PDE1C: variants seen among roughly 807,000 people sequenced by gnomAD.
PDE1C encodes the protein dual specificity calcium/calmodulin-dependent 3',5'-cyclic nucleotide phosphodiesterase 1C.
PDE1C carries 62 observed loss-of-function variants against 93.1 expected under a neutral mutation model. That is an observed-to-expected ratio of 0.67 (90% CI 0.54 to 0.82). The LOEUF (loss-of-function observed/expected upper bound fraction) is 0.82, where lower values mean the gene tolerates loss of function less well. Among genes scored for constraint, PDE1C ranks in the 40% least tolerant of loss-of-function variants. The pLI, the probability that PDE1C is intolerant of heterozygous loss-of-function variation, is 0.00. For missense variants in PDE1C, 742 were observed against 884.6 expected, an observed-to-expected ratio of 0.84 and a Z score of 2.04; for synonymous variants, 325 against 310.1, an observed-to-expected ratio of 1.05 and a Z score of -0.50.
intron 2 of PDE1C, among the ~76,000 whole-genome samples, chr7:31,952,826 A>G (rs879850766): frequency 2.6e-5 from 4 of 152,210 alleles, no homozygotes; most frequent in Non-Finnish European, 5.9e-5. Context: ...ACTTCAAAAA[A>G]GAATACCATC....
chr7:31,877,937 A>T (rs1223036875), intron 5 of PDE1C, 33 bp downstream of exon 5: 1 of 1,430,654 alleles, frequency 7.0e-7, no homozygotes, highest in Non-Finnish European at 9.8e-7. Context: ...ATTAGGTACC[A>T]TGTACATTGT....
intron 9 of PDE1C, among the ~76,000 whole-genome samples, chr7:31,846,518 TA>T (rs1792625837): frequency 6.6e-6 from 1 of 152,016 alleles, no homozygotes; most frequent in Non-Finnish European, 1.5e-5. Flanking sequence ...CCTAAAACCA[TA>T]AAAACCCTAG....
chr7:32,006,735 A>C (rs945805021), intron 2 of PDE1C, among the ~76,000 whole-genome samples: 48 of 152,246 alleles, frequency 3.2e-4, no homozygotes, highest in African/African-American at 1.1e-3. Flanking sequence ...TGATGCTGGC[A>C]AAGAGCTGCA....
intron 16 of PDE1C, among the ~76,000 whole-genome samples, chr7:31,776,850 T>C (rs1223190100): frequency 6.6e-6 from 1 of 151,634 alleles, no homozygotes; most frequent in Non-Finnish European, 1.5e-5. Flanking sequence ...TTACTTCCGT[T>C]AGGAGTCCCC....
Position 32,357,469 on chromosome 7 carries a change from T to C in PDE1C, c.310+70353A>G, listed in dbSNP as rs1464233603. Among the ~76,000 whole-genome samples, 49 of 152,262 alleles carry C rather than the reference T, an allele frequency of 3.2e-4. 1 individual carries two copies. ...TAAGTTCTGTCTTCTTTCTGTTCTTTGCTCTGAGCACTAGTTTCAGAATGG... is the reference window on the plus strand; with the variant it reads ...TAAGTTCTGTCTTCTTTCTGTTCTTCGCTCTGAGCACTAGTTTCAGAATGG... On this transcript the variant is annotated intron_variant, in intron 1 of 1. Transcript: ENST00000672256.
rs1175845297 is a variant in PDE1C, at chr7:31,775,747, AAG to A, written c.1892-17_1892-16del. The stretch of plus-strand genomic sequence containing the variant: ...CTGTTTTGTGCCTGTGAAGAGGAAA[AAG>A]AGGATAAGGAAAAGTAGGATTGTGG... On this transcript the variant is annotated splice_polypyrimidine_tract_variant and intron_variant, in intron 16 of 17. Coordinates refer to ENST00000396191, the MANE Select transcript of PDE1C (RefSeq NM_001191057.4). 2.5e-6 allele frequency: 4 copies of A among 1,609,558 alleles called. No individual in the cohort carries two copies. In the African/African-American group the frequency reaches 5.3e-5, roughly 22 times the overall value.
chr7:31,680,797 A>G, the PDE1C span, among the ~76,000 whole-genome samples: 2 of 152,294 alleles, frequency 1.3e-5, no homozygotes, highest in East Asian at 3.9e-4. Flanking sequence ...ACACCTGGAT[A>G]GGGCAAACCC....
At chr7:32,292,824 C>T (rs1428924816) in intron 1 of PDE1C, among the ~76,000 whole-genome samples, 1 of 152,230 alleles carries the variant, frequency 6.6e-6, no homozygotes, top group East Asian at 1.9e-4. Flanking sequence ...TCCCAACTTC[C>T]CCATGGCCCC....
At chr7:31,886,081 T>C (rs1307179447) in intron 2 of PDE1C, among the ~76,000 whole-genome samples, 2 of 152,246 alleles carry the variant, frequency 1.3e-5, no homozygotes, top group African/African-American at 4.8e-5. Flanking sequence ...TTTGAAAGGA[T>C]ATGAGAGAGA....
intron 1 of PDE1C, among the ~76,000 whole-genome samples, chr7:32,313,804 A>T (rs1329651715): frequency 1.3e-5 from 2 of 151,698 alleles, no homozygotes; most frequent in Non-Finnish European, 2.9e-5. Context: ...ACCTAATGCT[A>T]AATGATGAGT....
chr7:32,011,385 G>C (rs1316234344), intron 2 of PDE1C, among the ~76,000 whole-genome samples: 1 of 151,946 alleles, frequency 6.6e-6, no homozygotes. Context: ...GTAGAGACAG[G>C]GTTTTGCCGT....
chr7:32,120,358 C>A (rs1267764453), intron 3 of PDE1C, among the ~76,000 whole-genome samples: 1 of 152,224 alleles, frequency 6.6e-6, no homozygotes, highest in Non-Finnish European at 1.5e-5. Flanking sequence ...GGTTTCCCCC[C>A]AGGCAAAGCA....
intron 2 of PDE1C, among the ~76,000 whole-genome samples, chr7:32,179,270 T>TC (rs896377462): frequency 4.0e-5 from 6 of 150,262 alleles, no homozygotes; most frequent in Non-Finnish European, 5.9e-5. Flanking sequence ...TTAGTCTTTT[T>TC]TTTTTTTTTT....
At chr7:32,097,125 T>G (rs911022259) in intron 3 of PDE1C, among the ~76,000 whole-genome samples, 1 of 152,174 alleles carries the variant, frequency 6.6e-6, no homozygotes, top group African/African-American at 2.4e-5. Flanking sequence ...TTTTGTTCTA[T>G]TTAGATCTTC....
At chr7:32,399,471 C>T (rs151153684) in intron 1 of PDE1C, among the ~76,000 whole-genome samples, 6 of 151,772 alleles carry the variant, frequency 4.0e-5, no homozygotes, top group Non-Finnish European at 8.8e-5. Context: ...AGCTGGCTTG[C>T]GGGCGGTGCC....
intron 1 of PDE1C, among the ~76,000 whole-genome samples, chr7:32,210,545 C>G (rs1387989273): frequency 1.3e-5 from 2 of 152,106 alleles, no homozygotes; most frequent in East Asian, 3.9e-4. Context: ...TGAAAGAAGT[C>G]GAAAAATTTA....
At chr7:32,067,588 G>A (rs1795553618) in intron 1 of PDE1C, among the ~76,000 whole-genome samples, 1 of 152,068 alleles carries the variant, frequency 6.6e-6, no homozygotes, top group African/African-American at 2.4e-5. Flanking sequence ...TGTGAAAGAG[G>A]GGCTATAAAG....
Position 32,134,770 on chromosome 7 carries a change from C to A in PDE1C, c.308+35015G>T, listed in dbSNP as rs1051309473. 5.3e-5 allele frequency among the ~76,000 whole-genome samples: 8 copies of A among 151,906 alleles called. No individual in the cohort carries two copies. In the East Asian group the frequency reaches 1.6e-3, roughly 29 times the overall value. On this transcript the variant is annotated intron_variant, in intron 3 of 18. Coordinates refer to the PDE1C transcript ENST00000396193. ...CCAGAGCCTGTCAGGGGGTTGGGGA[C>A]AAGGGGAAGGAGACAGATAGGACAG...
In PDE1C at chr7:32,032,754, G is replaced by A. The variant is rs1164105338; in HGVS notation, c.128+18800C>T. ...GTGGAGCCTCCCTCCCCAAAGAATG[G>A]CCAAGAACCAGGGCATCAGTAACCG... On this transcript the variant is annotated intron_variant, in intron 2 of 17. Transcript: ENST00000396191. Among the ~76,000 whole-genome samples the A allele has an allele frequency of 3.3e-5, 5 of 152,144 alleles. No homozygotes were observed. The South Asian group carries it at 6.2e-4, about 19-fold the overall frequency.
Sources: allele counts gnomAD v4.1 joint callset (sites outside exome capture counted in the v4.1 genomes callset), GRCh38; gene constraint gnomAD v4.1.1; transcripts MANE v1.5; gene names NCBI Gene and HGNC (gene_info 2026-07-23, HGNC 2026-07-21).